MALRD1: variants seen among roughly 807,000 people sequenced by gnomAD.
MALRD1 encodes the protein MAM and LDL-receptor class A domain-containing protein 1.
A neutral mutation model predicts 242.1 loss-of-function variants in MALRD1; 247 were observed. That is an observed-to-expected ratio of 1.02 (90% CI 0.92 to 1.13). The LOEUF (loss-of-function observed/expected upper bound fraction) is 1.13, where lower values mean the gene tolerates loss of function less well. Among genes scored for constraint, MALRD1 ranks in the 50% most tolerant of loss-of-function variants. The pLI is 0.00. For missense variants in MALRD1, 2,989 were observed against 2,533.1 expected, an observed-to-expected ratio of 1.18 and a Z score of -3.86; for synonymous variants, 995 against 866.6, an observed-to-expected ratio of 1.15 and a Z score of -2.60.
chr10:19,409,440 G>A (rs1464182684), intron 28 of MALRD1, among the ~76,000 whole-genome samples: 1 of 151,978 alleles, frequency 6.6e-6, no homozygotes, highest in African/African-American at 2.4e-5. Context: ...CGGCAACAGA[G>A]TGAGACCCCA....
chr10:19,496,012 A>G (rs1837699717), intron 30 of MALRD1, among the ~76,000 whole-genome samples: 1 of 152,218 alleles, frequency 6.6e-6, no homozygotes, highest in East Asian at 1.9e-4. Context: ...ATTCAACAAG[A>G]AGACCTAACT....
chr10:19,547,753 A>T, intron 32 of MALRD1, among the ~76,000 whole-genome samples: 1 of 107,154 alleles, frequency 9.3e-6, no homozygotes, highest in African/African-American at 3.7e-5. Flanking sequence ...ACTTCATTTT[A>T]TTGTACTCCA....
At chr10:19,424,803 C>A (rs921579702) in intron 28 of MALRD1, among the ~76,000 whole-genome samples, 9 of 151,856 alleles carry the variant, frequency 5.9e-5, no homozygotes, top group African/African-American at 1.9e-4. Context: ...GCAGTAGAAT[C>A]CTGACCTGAA....
chr10:19,639,727 T>C (rs10827724), intron 36 of MALRD1, among the ~76,000 whole-genome samples: 7,706 of 152,302 alleles, frequency 0.051, 261 homozygotes, highest in Middle Eastern at 0.11. Context: ...TTCCAACATA[T>C]ATGCCTCTGG....
At chr10:19,357,935 C>T in intron 26 of MALRD1, among the ~76,000 whole-genome samples, 1 of 151,792 alleles carries the variant, frequency 6.6e-6, no homozygotes, top group East Asian at 1.9e-4. Flanking sequence ...TCAAAATAGA[C>T]CCAGGGCTTT....
intron 28 of MALRD1, among the ~76,000 whole-genome samples, chr10:19,446,086 C>T (rs1280616168): frequency 6.6e-6 from 1 of 152,150 alleles, no homozygotes. Flanking sequence ...CCCTCCGAGC[C>T]AGGCGTGGGA....
chr10:19,342,066 A>T (rs1470773911), intron 24 of MALRD1, among the ~76,000 whole-genome samples: 1 of 152,114 alleles, frequency 6.6e-6, no homozygotes. Flanking sequence ...GTTTGAAGGT[A>T]TAATTGTTAC....
At chr10:19,672,616 G>A (rs940034067) in intron 36 of MALRD1, among the ~76,000 whole-genome samples, 9 of 151,814 alleles carry the variant, frequency 5.9e-5, no homozygotes, top group Admixed American at 3.3e-4. Context: ...TAGAGAAGGG[G>A]TTTTGCCATG....
rs916508924 is a variant in MALRD1 at position 19,497,889 on chromosome 10, TATTA to T, written c.5159-592_5159-589del. Among the ~76,000 whole-genome samples, 280 of 152,334 alleles carry T rather than the reference TATTA, an allele frequency of 1.8e-3. 1 individual carries two copies. Among genetic ancestry groups the T allele is most frequent in the African/African-American group, 6.4e-3 (266 of 41,586 alleles). On this transcript the variant is annotated intron_variant, in intron 30 of 39. Transcript: ENST00000454679. ...ACTAGAAATAGATACAGTTATTATCTATTAATTTTTCTCACTGTGAATAATTTAA... is the reference window on the plus strand; with the variant it reads ...ACTAGAAATAGATACAGTTATTATCTATTTTTCTCACTGTGAATAATTTAA...
intron 19 of MALRD1, among the ~76,000 whole-genome samples, chr10:19,270,099 G>A (rs960381343): frequency 6.6e-6 from 1 of 152,134 alleles, no homozygotes; most frequent in Admixed American, 6.5e-5. Flanking sequence ...TGGATCACCT[G>A]AGGTCAGGAG....
chr10:19,398,718 A>G (rs1483833713), intron 28 of MALRD1, among the ~76,000 whole-genome samples: 2 of 152,218 alleles, frequency 1.3e-5, no homozygotes, highest in East Asian at 3.8e-4. Flanking sequence ...GAGGACATCT[A>G]TCTTATGTGC....
chr10:19,052,602 C>A (rs1834541700), intron 1 of MALRD1, among the ~76,000 whole-genome samples: 1 of 152,280 alleles, frequency 6.6e-6, no homozygotes, highest in East Asian at 1.9e-4. Context: ...ACCTTCCGTG[C>A]AACAACAGCC....
At chr10:19,580,899 C>A (rs925996533) in intron 33 of MALRD1, among the ~76,000 whole-genome samples, 1 of 152,086 alleles carries the variant, frequency 6.6e-6, no homozygotes, top group African/African-American at 2.4e-5. Flanking sequence ...TACTTTCCCA[C>A]GCATGCCAGG....
At chr10:19,126,988 A>G (rs985228119) in intron 7 of MALRD1, among the ~76,000 whole-genome samples, 4 of 152,090 alleles carry the variant, frequency 2.6e-5, no homozygotes, top group African/African-American at 9.7e-5. Flanking sequence ...GCTCCCACAT[A>G]TAAGTGAGAA....
At chr10:19,624,046 CA>C (rs1396126435) in intron 36 of MALRD1, among the ~76,000 whole-genome samples, 2 of 152,028 alleles carry the variant, frequency 1.3e-5, no homozygotes, top group East Asian at 3.9e-4. Flanking sequence ...TGAAGAAACA[CA>C]CACTTTGCTA....
At chr10:19,651,850 A>G (rs1162332434) in intron 36 of MALRD1, among the ~76,000 whole-genome samples, 4 of 152,194 alleles carry the variant, frequency 2.6e-5, no homozygotes, top group Non-Finnish European at 5.9e-5. Context: ...ACTCTGACGA[A>G]TTTAAATACA....
chr10:19,572,666 T>C (rs1366363988), intron 33 of MALRD1, among the ~76,000 whole-genome samples: 2 of 152,184 alleles, frequency 1.3e-5, no homozygotes, highest in African/African-American at 2.4e-5. Flanking sequence ...CCTTTGTAGA[T>C]GTAATTAAGA....
intron 18 of MALRD1, among the ~76,000 whole-genome samples, chr10:19,219,040 A>G (rs1256958129): frequency 1.3e-5 from 2 of 152,280 alleles, no homozygotes; most frequent in African/African-American, 4.8e-5. Context: ...TTTATATGTC[A>G]TAAAGAATAA....
At chr10:19,300,891 G>A (rs1452681077) in intron 21 of MALRD1, among the ~76,000 whole-genome samples, 4 of 152,056 alleles carry the variant, frequency 2.6e-5, no homozygotes, top group Non-Finnish European at 4.4e-5. Flanking sequence ...CTTATGCACA[G>A]CAAAAGAAGC....
Sources: allele counts gnomAD v4.1 joint callset (sites outside exome capture counted in the v4.1 genomes callset), GRCh38; gene constraint gnomAD v4.1.1; transcripts MANE v1.5; gene names NCBI Gene and HGNC (gene_info 2026-07-23, HGNC 2026-07-21).